CSGALNACT2: variants seen among roughly 807,000 people sequenced by gnomAD.
CSGALNACT2 encodes the protein chondroitin sulfate N-acetylgalactosaminyltransferase 2.
Under a neutral mutation model 55.3 loss-of-function variants are expected in CSGALNACT2, and 35 were observed. The observed-to-expected ratio is 0.63, with a 90% CI of 0.48 to 0.84. The LOEUF is 0.84. Among genes scored for constraint, CSGALNACT2 ranks in the 40% least tolerant of loss-of-function variants. The pLI, the probability that CSGALNACT2 is intolerant of heterozygous loss-of-function variation, is 0.00. For missense variants in CSGALNACT2, 544 were observed against 657.5 expected (o/e 0.83, Z 1.89); for synonymous variants, 196 against 224.9 (o/e 0.87, Z 1.15).
intron 1 of CSGALNACT2, among the ~76,000 whole-genome samples, chr10:43,145,787 A>G (rs1838734505): frequency 6.6e-6 from 1 of 152,102 alleles, no homozygotes; most frequent in Non-Finnish European, 1.5e-5. Flanking sequence ...TTTTGCTTCT[A>G]TTGCTTATAT....
chr10:43,141,494 C>T (rs1420591237), intron 1 of CSGALNACT2, among the ~76,000 whole-genome samples: 1 of 151,604 alleles, frequency 6.6e-6, no homozygotes, highest in South Asian at 2.1e-4. Context: ...GGATTACAGG[C>T]GTGAGCCACC....
At chr10:43,174,870 T>C (rs1484952103) in intron 6 of CSGALNACT2, among the ~76,000 whole-genome samples, 1 of 152,254 alleles carries the variant, frequency 6.6e-6, no homozygotes, top group East Asian at 1.9e-4. Context: ...ACTAGAACCA[T>C]ATCCAAAAGA....
chr10:43,183,537 G>T lies in CSGALNACT2; in HGVS notation c.1624G>T (p.Gly542Cys). 1 of 1,612,830 alleles carries T rather than the reference G, an allele frequency of 6.2e-7. No homozygotes were observed. The highest frequency in any genetic ancestry group is 1.3e-5 in the African/African-American group (1 of 74,994). The stretch of plus-strand genomic sequence containing the variant: ...ATACAGGACAAACAGTGAAGCTGTT[G>T]GTTGAAATCATAATTAATGCGTTAC... Reference protein sequence around the residue: ...QAYRTNSEAVG With the variant: ...QAYRTNSEAVC The change falls in exon 8 of 8, where the codon GGT becomes TGT. Residue 542 changes from glycine (G) to cysteine (C), a missense_variant. Physicochemically the swap from Gly to Cys is radical, Grantham distance 159. Around this residue, in one of 2 missense-constraint regions of CSGALNACT2, gnomAD observed 170 missense variants for 256.2 expected, o/e 0.66. Transcript: ENST00000374466.
chr10:43,174,052 T>TA (rs1839433686), intron 6 of CSGALNACT2, among the ~76,000 whole-genome samples: 3 of 152,106 alleles, frequency 2.0e-5, no homozygotes, highest in Non-Finnish European at 4.4e-5. Context: ...TGTCTCTCTA[T>TA]ATATTTATTT....
chr10:43,163,143 A>G lies in CSGALNACT2; in HGVS notation c.981-723A>G, dbSNP rs1839188534. On this transcript the variant is annotated intron_variant, in intron 4 of 7. Coordinates refer to ENST00000374466, the MANE Select transcript of CSGALNACT2 (RefSeq NM_018590.5). The stretch of plus-strand genomic sequence containing the variant: ...ATTTTGAATGACCTTTACACTCACC[A>G]CTGAATTCAACATTTTAACCAAGGC... 1.2e-5 allele frequency: 12 copies of G among 985,106 alleles called. No individual in the cohort carries two copies. In the South Asian group the frequency reaches 5.2e-4, roughly 42 times the overall value. The allele number at this position is 985,106 out of a possible 1,614,324, so 61.0% of individuals were successfully genotyped here.
At chr10:43,149,114 G>A (rs1241093071) in intron 1 of CSGALNACT2, among the ~76,000 whole-genome samples, 5 of 152,182 alleles carry the variant, frequency 3.3e-5, no homozygotes, top group African/African-American at 9.6e-5. Context: ...ATGGAGTCTC[G>A]CTTTGTCGCC....
intron 1 of CSGALNACT2, among the ~76,000 whole-genome samples, chr10:43,146,949 A>G (rs1482821704): frequency 6.7e-6 from 1 of 149,832 alleles, no homozygotes; most frequent in East Asian, 2.0e-4. Context: ...CTAATGACTA[A>G]CAATGTTGAG....
chr10:43,162,680 G>A, intron 4 of CSGALNACT2: 1 of 985,278 alleles, frequency 1.0e-6, no homozygotes, highest in East Asian at 1.1e-4. Context: ...TTTTTGATTA[G>A]GCTGCACCCT....
intron 6 of CSGALNACT2, among the ~76,000 whole-genome samples, chr10:43,174,826 C>T (rs1353886658): frequency 6.6e-6 from 1 of 152,140 alleles, no homozygotes; most frequent in Non-Finnish European, 1.5e-5. Flanking sequence ...ATGGCAGGGA[C>T]TTTGTCACCT....
chr10:43,175,390 C>A (rs1476180540), intron 6 of CSGALNACT2, among the ~76,000 whole-genome samples: 1 of 152,192 alleles, frequency 6.6e-6, no homozygotes, highest in Non-Finnish European at 1.5e-5. Flanking sequence ...TTCCCAACAA[C>A]CACCCTGGTT....
At chr10:43,171,987 A>G (rs1023130302) in intron 6 of CSGALNACT2, among the ~76,000 whole-genome samples, 2 of 152,168 alleles carry the variant, frequency 1.3e-5, no homozygotes, top group Non-Finnish European at 2.9e-5. Context: ...CTGTTAGGTC[A>G]CTGCTTTTAA....
At chr10:43,157,618 A>C (rs1273720596) in intron 2 of CSGALNACT2, among the ~76,000 whole-genome samples, 2 of 152,094 alleles carry the variant, frequency 1.3e-5, no homozygotes, top group African/African-American at 4.8e-5. Context: ...CTAAAGTGTA[A>C]GCCTCAGGAG....
chr10:43,155,493 A>ATCTG lies in CSGALNACT2; in HGVS notation c.344_345insTCTG (p.Gln115HisfsTer5). On this transcript the variant is annotated frameshift_variant, in exon 2 of 8. Coordinates refer to ENST00000374466, the MANE Select transcript of CSGALNACT2 (RefSeq NM_018590.5). LOFTEE classifies it high-confidence loss of function. Reference sequence around the variant, plus strand: ...ATAGGCTATCAGAGCAACAAAGAGCAAGCACCTAGTGATCTTTTAGAGTTT... The same window carrying ATCTG: ...ATAGGCTATCAGAGCAACAAAGAGCATCTGAGCACCTAGTGATCTTTTAGAGTTT... 6.2e-7 allele frequency: 1 copy of ATCTG among 1,614,248 alleles called. No homozygotes were observed. Among genetic ancestry groups the ATCTG allele is most frequent in the Non-Finnish European group, 8.5e-7 (1 of 1,180,042 alleles).
rs1452184000 is a variant in CSGALNACT2, at chr10:43,138,527, C to G, written c.-294C>G. On this transcript the variant is annotated 5_prime_UTR_variant, in exon 1 of 8. Transcript: ENST00000374466. Reference sequence around the variant, plus strand: ...GCGTGAGGCGCCGCCCGGGTGTCCCCGCGGCGCAGGAGGCGGTGGAGCGCA... The same window carrying G: ...GCGTGAGGCGCCGCCCGGGTGTCCCGGCGGCGCAGGAGGCGGTGGAGCGCA... 6.6e-6 allele frequency: 1 copy of G among 150,416 alleles called. No homozygotes were observed. The highest frequency in any genetic ancestry group is 2.1e-4 in the South Asian group (1 of 4,822). 9.3% of individuals were successfully genotyped at this position (150,416 alleles called of 1,614,324 possible).
At chr10:43,154,174 C>T (rs1838943394) in intron 1 of CSGALNACT2, among the ~76,000 whole-genome samples, 2 of 152,106 alleles carry the variant, frequency 1.3e-5, no homozygotes, top group Non-Finnish European at 2.9e-5. Flanking sequence ...TCCAGTAAAC[C>T]GTTATTACTG....
At chr10:43,166,022 T>C (rs1839258200) in intron 5 of CSGALNACT2, among the ~76,000 whole-genome samples, 1 of 152,204 alleles carries the variant, frequency 6.6e-6, no homozygotes, top group African/African-American at 2.4e-5. Context: ...TGGGGTTTTT[T>C]TAATGTAGAA....
intron 7 of CSGALNACT2, among the ~76,000 whole-genome samples, chr10:43,179,019 T>C (rs1179292307): frequency 1.3e-5 from 2 of 152,146 alleles, no homozygotes; most frequent in Non-Finnish European, 2.9e-5. Flanking sequence ...CTAATGAATT[T>C]TTATTTCAGT....
intron 4 of CSGALNACT2, chr10:43,162,722 C>T (rs985625311): frequency 1.0e-6 from 1 of 975,594 alleles, no homozygotes; most frequent in Non-Finnish European, 1.2e-6. Context: ...GCTTCAGTGC[C>T]AGAGTCACCA....
rs78841894 is a variant in CSGALNACT2 at position 43,172,808 on chromosome 10, G to A, written c.1255-3143G>A. Among the ~76,000 whole-genome samples the A allele has an allele frequency of 2.9e-4, 44 of 152,304 alleles. 1 individual carries two copies. The East Asian group carries it at 4.8e-3, about 17-fold the overall frequency. On this transcript the variant is annotated intron_variant, in intron 6 of 7. Coordinates refer to ENST00000374466, the MANE Select transcript of CSGALNACT2 (RefSeq NM_018590.5). ...AGACTGAGTTGCAAAGAGTGACTCC[G>A]TGGTTTCTGTGGCTTGTTTGGTCAG...
Sources: allele counts gnomAD v4.1 joint callset (sites outside exome capture counted in the v4.1 genomes callset), GRCh38; gene constraint gnomAD v4.1.1; regional missense constraint gnomAD v4.1.1; transcripts MANE v1.5; gene names NCBI Gene and HGNC (gene_info 2026-07-23, HGNC 2026-07-21).